Variants in CATSPERE observed in about 807,000 individuals in gnomAD.
CATSPERE encodes catsper channel auxiliary subunit epsilon.
CATSPERE carries 93 observed loss-of-function variants against 114.1 expected under a neutral mutation model. That is an observed-to-expected ratio of 0.81 (90% CI 0.69 to 0.97). The LOEUF is 0.97. CATSPERE is among the 50% of genes least tolerant of loss of function. CATSPERE has a pLI of 0.00. For missense variants in CATSPERE, 1,058 were observed against 1,131.6 expected (o/e 0.93, Z 0.93); for synonymous variants, 341 against 384.1 (o/e 0.89, Z 1.31).
chr1:244,485,425 C>G (rs1670839708), intron 5 of CATSPERE, among the ~76,000 whole-genome samples: 1 of 152,118 alleles, frequency 6.6e-6, no homozygotes, highest in African/African-American at 2.4e-5. Context: ...TGGTGATCCA[C>G]CCACCTAAGC....
chr1:244,501,988 C>T (rs1231203005), intron 7 of CATSPERE, among the ~76,000 whole-genome samples: 7 of 152,228 alleles, frequency 4.6e-5, no homozygotes, highest in Middle Eastern at 3.4e-3. Context: ...ACATCAACCG[C>T]GCAGCCATTT....
At chr1:244,569,446 G>A (rs1664127587) in intron 10 of CATSPERE, among the ~76,000 whole-genome samples, 1 of 152,094 alleles carries the variant, frequency 6.6e-6, no homozygotes, top group Non-Finnish European at 1.5e-5. Flanking sequence ...TTTGCATTGG[G>A]TTTATCTATA....
At chr1:244,585,895 A>G (rs1257381492) in intron 13 of CATSPERE, among the ~76,000 whole-genome samples, 1 of 152,232 alleles carries the variant, frequency 6.6e-6, no homozygotes, top group Non-Finnish European at 1.5e-5. Context: ...AGAGGGCCTT[A>G]GTAAATCCTT....
chr1:244,503,445 C>T (rs1674367244), intron 7 of CATSPERE, among the ~76,000 whole-genome samples: 1 of 152,134 alleles, frequency 6.6e-6, no homozygotes, highest in African/African-American at 2.4e-5. Context: ...CCTGAAATTC[C>T]ATTTCAACAT....
chr1:244,617,621 A>G lies in CATSPERE; in HGVS notation c.2583A>G (p.Ile861Met). 1 of 1,545,398 alleles carries G rather than the reference A, an allele frequency of 6.5e-7. No homozygotes were observed. Among genetic ancestry groups the G allele is most frequent in the Non-Finnish European group, 8.7e-7 (1 of 1,145,476 alleles). ...EIINSSNGNH[I>M]FWPMGHSGMY... ...TCAACAGTTCTAATGGTAACCATATATTTTGGCCCATGGGCCATTCTGGAA... is the reference window on the plus strand; with the variant it reads ...TCAACAGTTCTAATGGTAACCATATGTTTTGGCCCATGGGCCATTCTGGAA... The change falls in exon 20 of 22, where the codon ATA (isoleucine) becomes ATG (methionine). Residue 861 changes from isoleucine to methionine, a missense_variant. By Grantham distance (10) the Ile-to-Met change is conservative. Transcript: ENST00000366534.
At chr1:244,593,358 G>C (rs1289209070) in intron 15 of CATSPERE, 37 bp from the exon 16 acceptor site, 2 of 1,607,346 alleles carry the variant, frequency 1.2e-6, no homozygotes, top group Non-Finnish European at 1.7e-6. Flanking sequence ...AGTTTGAAAA[G>C]AGGAAAGAGA....
upstream of CATSPERE, chr1:244,457,540 T>C (rs1477245807): frequency 6.6e-6 from 1 of 152,202 alleles, no homozygotes; most frequent in Non-Finnish European, 1.5e-5. Flanking sequence ...GTTGGCCTCA[T>C]GCTATCTTCA....
At chr1:244,451,521 GACAC>G, upstream of CATSPERE, 1 of 1,169,250 alleles carries the variant, frequency 8.6e-7, no homozygotes, top group Non-Finnish European at 1.2e-6. The surrounding 1 kb of genome is among the most constrained non-coding windows in gnomAD (Gnocchi z 6.6). Flanking sequence ...GCCTCAAGGT[GACAC>G]CTCATTTTGG....
At chr1:244,471,137 TTAAA>T (rs1668414833) in intron 2 of CATSPERE, among the ~76,000 whole-genome samples, 1 of 152,200 alleles carries the variant, frequency 6.6e-6, no homozygotes, top group Non-Finnish European at 1.5e-5. Context: ...ATTGTACACT[TTAAA>T]TGAATGAATT....
chr1:244,625,404 ATTT>A (rs1287928800), intron 20 of CATSPERE, among the ~76,000 whole-genome samples: 370 of 12,254 alleles, frequency 0.03, 13 homozygotes, highest in South Asian at 0.083. Context: ...TATTATTATT[ATTT>A]ATATATATAT....
At chr1:244,491,942 G>A (rs1253012849) in intron 6 of CATSPERE, among the ~76,000 whole-genome samples, 1 of 152,168 alleles carries the variant, frequency 6.6e-6, no homozygotes, top group Non-Finnish European at 1.5e-5. Context: ...TGAAATTGTG[G>A]CAATAATCAA....
intron 20 of CATSPERE, among the ~76,000 whole-genome samples, chr1:244,627,374 T>C (rs2813904): frequency 0.98 from 149,836 of 152,178 alleles, 73,815 homozygotes; most frequent in East Asian, 1. Flanking sequence ...AGTTCAAGAC[T>C]CACCTGGGCA....
At chr1:244,531,521 A>AT (rs60993251) in intron 8 of CATSPERE, among the ~76,000 whole-genome samples, 33 of 149,786 alleles carry the variant, frequency 2.2e-4, no homozygotes, top group African/African-American at 3.2e-4. Context: ...AGTTTTTAAA[A>AT]TTTTTTTTTT....
chr1:244,618,509 G>A (rs1161099649), intron 20 of CATSPERE, among the ~76,000 whole-genome samples: 7 of 152,182 alleles, frequency 4.6e-5, no homozygotes, highest in Non-Finnish European at 7.4e-5. Flanking sequence ...GACCAGGCAC[G>A]GTGGCTCACG....
At chr1:244,492,701 G>A (rs1325567184) in intron 6 of CATSPERE, among the ~76,000 whole-genome samples, 14 of 151,350 alleles carry the variant, frequency 9.3e-5, no homozygotes, top group East Asian at 5.8e-4. Flanking sequence ...AAACCCCATC[G>A]TCTCAGCCCA....
intron 7 of CATSPERE, among the ~76,000 whole-genome samples, chr1:244,506,751 C>CT (rs1306441987): frequency 2.6e-5 from 4 of 151,322 alleles, no homozygotes; most frequent in Admixed American, 6.6e-5. Flanking sequence ...AAACATTTAT[C>CT]TTTTTTTTTG....
At chr1:244,480,872 C>A (rs117553497) in intron 5 of CATSPERE, among the ~76,000 whole-genome samples, 2 of 152,256 alleles carry the variant, frequency 1.3e-5, no homozygotes, top group South Asian at 2.1e-4. Context: ...CTCATGAAAC[C>A]GGCAGGCTTC....
At chr1:244,567,933 A>C (rs67028195) in intron 10 of CATSPERE, among the ~76,000 whole-genome samples, 32,787 of 151,794 alleles carry the variant, frequency 0.22, 5,559 homozygotes, top group African/African-American at 0.45. Flanking sequence ...CTGGTTTTTG[A>C]AATTTCAGTC....
Position 244,531,229 on chromosome 1 carries a change from C to T in CATSPERE, c.536+12531C>T, listed in dbSNP as rs551645783. On this transcript the variant is annotated intron_variant, in intron 8 of 21. Transcript: ENST00000366534. ...CCAGCCTGGGCAACAGAGGGAGACT[C>T]AGTCTCAAAAAAAAAAAAAAAAAAA... Among the ~76,000 whole-genome samples, 759 of 114,768 alleles carry T rather than the reference C, an allele frequency of 6.6e-3. 8 individuals are homozygous for T. The highest frequency in any genetic ancestry group is 0.024 in the African/African-American group (684 of 28,826). The allele number at this position is 114,768 out of a possible 152,430, so 75.3% of individuals were successfully genotyped here.
Sources: gnomAD v4.1 joint callset for allele counts (sites outside exome capture counted in the v4.1 genomes callset) on GRCh38, gnomAD v4.1.1 for gene constraint, Gnocchi (gnomAD v3.1) non-coding constraint, MANE v1.5 for transcripts, NCBI Gene and HGNC (gene_info 2026-07-23, HGNC 2026-07-21) for gene names.